The following DNAJC1 variants were observed in gnomAD, a reference collection of about 807,000 sequenced individuals.
DNAJC1 encodes dnaJ homolog subfamily C member 1.
A neutral mutation model predicts 76.6 loss-of-function variants in DNAJC1; 58 were observed. The ratio of observed to expected loss-of-function variants is 0.76; its 90% CI spans 0.61 to 0.94. DNAJC1 has a LOEUF of 0.94. DNAJC1 is among the 40% of genes least tolerant of loss of function. The probability of loss-of-function intolerance (pLI) is 0.00; values close to 1 mark genes in which losing one functional copy is unlikely to be tolerated. For missense variants in DNAJC1, 689 were observed against 677.3 expected, an observed-to-expected ratio of 1.02 and a Z score of -0.19; for synonymous variants, 258 against 267.9, an observed-to-expected ratio of 0.96 and a Z score of 0.36.
rs190781987 is a variant in DNAJC1, at chr10:21,981,623, A to G, written c.222+21590T>C. Reference sequence around the variant, plus strand: ...TTCCTCATTTGTAAAATGGGGAAAAAATGCCTTACTAAGTAGGGCTGTTTT... The same window carrying G: ...TTCCTCATTTGTAAAATGGGGAAAAGATGCCTTACTAAGTAGGGCTGTTTT... On this transcript the variant is annotated intron_variant, in intron 1 of 11. Transcript: ENST00000376980. 9.8e-5 allele frequency among the ~76,000 whole-genome samples: 15 copies of G among 152,300 alleles called. No individual in the cohort carries two copies. The East Asian group carries it at 1.9e-3, about 20-fold the overall frequency.
intron 1 of DNAJC1, among the ~76,000 whole-genome samples, chr10:21,938,839 C>T (rs2131793085): frequency 6.6e-6 from 1 of 152,280 alleles, no homozygotes; most frequent in East Asian, 1.9e-4. Flanking sequence ...ACCAAAAGAT[C>T]TTATCCAGGA....
intron 8 of DNAJC1, among the ~76,000 whole-genome samples, chr10:21,843,738 C>T (rs1835609704): frequency 6.6e-6 from 1 of 151,108 alleles, no homozygotes; most frequent in South Asian, 2.1e-4. Flanking sequence ...AATGATTTTA[C>T]AATCTTTTTT....
chr10:21,888,795 G>T (rs929197325), intron 7 of DNAJC1, among the ~76,000 whole-genome samples: 2 of 152,144 alleles, frequency 1.3e-5, no homozygotes, highest in African/African-American at 2.4e-5. Context: ...GGTGGGAGGA[G>T]GGAGAGGAGT....
chr10:21,838,896 C>T (rs1030565330), intron 8 of DNAJC1, among the ~76,000 whole-genome samples: 7 of 152,220 alleles, frequency 4.6e-5, no homozygotes, highest in Non-Finnish European at 8.8e-5. Flanking sequence ...TTATAACAAA[C>T]TGTCTCTCAG....
intron 3 of DNAJC1, among the ~76,000 whole-genome samples, chr10:21,921,645 G>A (rs991980051): frequency 6.6e-6 from 1 of 151,908 alleles, no homozygotes; most frequent in South Asian, 2.1e-4. Flanking sequence ...CAATTAAGTG[G>A]CAATTTCCTC....
intron 8 of DNAJC1, among the ~76,000 whole-genome samples, chr10:21,866,620 G>A (rs1590022367): frequency 6.6e-6 from 1 of 152,118 alleles, no homozygotes; most frequent in African/African-American, 2.4e-5. Flanking sequence ...GGCTGTAGCT[G>A]GTCAAACAAG....
chr10:21,868,699 T>C (rs1001466305), intron 8 of DNAJC1, among the ~76,000 whole-genome samples: 1 of 151,970 alleles, frequency 6.6e-6, no homozygotes, highest in Non-Finnish European at 1.5e-5. Flanking sequence ...GAGTAGGGGA[T>C]AGGTATGTAA....
intron 8 of DNAJC1, among the ~76,000 whole-genome samples, chr10:21,835,180 G>A (rs1835429866): frequency 6.6e-6 from 1 of 152,190 alleles, no homozygotes; most frequent in African/African-American, 2.4e-5. Context: ...AATATCCGCT[G>A]TTCTGCAGCC....
Position 21,806,076 on chromosome 10 carries a change from G to A in DNAJC1, c.1002C>T (p.Asp334=). The A allele has an allele frequency of 1.2e-6, 2 of 1,611,990 alleles. No individual in the cohort carries two copies. Among genetic ancestry groups the A allele is most frequent in the Non-Finnish European group, 1.7e-6 (2 of 1,179,514 alleles). The change falls in exon 9 of 12, where the codon GAC becomes GAT. Residue 334 remains aspartate, a synonymous_variant. Transcript: ENST00000376980. ...KKQAPEWTEE[D]LSQLTRSMVK... ...CCATACTTCTTGTCAGTTGGCTGAG[G>A]TCCTCTTCTGTCCATTCAGGTGCCT...
intron 1 of DNAJC1, among the ~76,000 whole-genome samples, chr10:21,975,616 C>T (rs558236032): frequency 2.6e-5 from 4 of 152,186 alleles, no homozygotes; most frequent in Non-Finnish European, 5.9e-5. Context: ...TTAACCCTTT[C>T]ACCTTAGTGT....
intron 8 of DNAJC1, among the ~76,000 whole-genome samples, chr10:21,870,061 T>C (rs1032790929): frequency 3.3e-5 from 5 of 151,950 alleles, no homozygotes; most frequent in African/African-American, 9.7e-5. Flanking sequence ...CCTAAAAAGA[T>C]AGCAAATCAA....
intron 1 of DNAJC1, among the ~76,000 whole-genome samples, chr10:21,938,824 C>G (rs1393899129): frequency 6.6e-6 from 1 of 152,158 alleles, no homozygotes; most frequent in Non-Finnish European, 1.5e-5. Context: ...TTAACCAAAA[C>G]CAAAACCAAA....
intron 8 of DNAJC1, among the ~76,000 whole-genome samples, chr10:21,852,199 T>TA (rs1439285917): frequency 2.0e-5 from 3 of 151,544 alleles, no homozygotes; most frequent in Non-Finnish European, 2.9e-5. Context: ...CAAAATATGC[T>TA]AAGAGAAAGG....
At chr10:21,813,026 T>TACACACAC (rs149245778) in intron 8 of DNAJC1, among the ~76,000 whole-genome samples, 4 of 132,470 alleles carry the variant, frequency 3.0e-5, no homozygotes, top group East Asian at 2.2e-4. Context: ...TACACACACA[T>TACACACAC]ACACACACAC....
chr10:21,933,022 T>A (rs910820659), intron 1 of DNAJC1: 2 of 152,236 alleles, frequency 1.3e-5, no homozygotes, highest in African/African-American at 4.8e-5. Flanking sequence ...AAAATATTTT[T>A]ATAAAGCTGT....
intron 8 of DNAJC1, among the ~76,000 whole-genome samples, chr10:21,824,822 G>A (rs1835220625): frequency 6.6e-6 from 1 of 152,108 alleles, no homozygotes; most frequent in Admixed American, 6.5e-5. Flanking sequence ...TGCCCAGGCT[G>A]GAGTGCAGTG....
intron 9 of DNAJC1, among the ~76,000 whole-genome samples, chr10:21,804,844 AAAAAC>A (rs747133954): frequency 3.1e-4 from 47 of 152,082 alleles, no homozygotes; most frequent in Non-Finnish European, 4.4e-5. Flanking sequence ...GGTCCATTGC[AAAAAC>A]AAAACAAAAC....
intron 8 of DNAJC1, among the ~76,000 whole-genome samples, chr10:21,881,702 C>G (rs1455066690): frequency 1.3e-5 from 2 of 151,700 alleles, no homozygotes; most frequent in East Asian, 3.8e-4. Flanking sequence ...GATGACCATA[C>G]CAGATGTTAT....
At chr10:21,992,012 C>T (rs961768790) in intron 1 of DNAJC1, among the ~76,000 whole-genome samples, 1 of 152,174 alleles carries the variant, frequency 6.6e-6, no homozygotes, top group African/African-American at 2.4e-5. Flanking sequence ...ATGTGAAATA[C>T]TTCATTAATA....
Sources: allele counts gnomAD v4.1 joint callset (sites outside exome capture counted in the v4.1 genomes callset), GRCh38; gene constraint gnomAD v4.1.1; transcripts MANE v1.5; gene names NCBI Gene and HGNC (gene_info 2026-07-23, HGNC 2026-07-21).